CUL5: variants seen among roughly 807,000 people sequenced by gnomAD.
CUL5 encodes cullin 5.
A neutral mutation model predicts 108.8 loss-of-function variants in CUL5; 26 were observed. That is an observed-to-expected ratio of 0.24 (90% CI 0.18 to 0.33). CUL5 has a LOEUF of 0.33. CUL5 is among the 10% of genes least tolerant of loss of function. The probability of loss-of-function intolerance (pLI) is 1.00; values close to 1 mark genes in which losing one functional copy is unlikely to be tolerated. For synonymous variants in CUL5, 334 were observed against 298.0 expected (o/e 1.12, Z -1.25); for missense variants, 524 against 909.2 (o/e 0.58, Z 5.45).
chr11:108,015,917 T>G (rs1326823586), intron 1 of CUL5, among the ~76,000 whole-genome samples: 1 of 151,330 alleles, frequency 6.6e-6, no homozygotes, highest in Non-Finnish European at 1.5e-5. Flanking sequence ...AAAAGAGAGG[T>G]TTTGTTTTTG....
intron 1 of CUL5, among the ~76,000 whole-genome samples, chr11:108,024,783 A>G (rs992523691): frequency 6.6e-6 from 1 of 150,808 alleles, no homozygotes; most frequent in African/African-American, 2.4e-5. Flanking sequence ...TATTTGCAAT[A>G]AAAAAAAATA....
chr11:108,104,190 G>T lies in CUL5; in HGVS notation c.2149G>T (p.Glu717Ter). The T allele has an allele frequency of 6.5e-7, 1 of 1,530,884 alleles. No homozygotes were observed. The highest frequency in any genetic ancestry group is 8.8e-7 in the Non-Finnish European group (1 of 1,134,548). 94.8% of individuals were successfully genotyped at this position (1,530,884 alleles called of 1,614,324 possible). Residue 717 changes from glutamate to a stop codon, truncating the protein, a stop_gained and splice_region_variant, in exon 19 of 19, where the codon GAA (glutamate) becomes TAA (stop). Coordinates refer to ENST00000393094, the MANE Select transcript of CUL5 (RefSeq NM_003478.6). LOFTEE classifies it high-confidence loss of function. ...CTTTTATTTTTATTTTTTCTTTTAG[G>T]AAGCTATCATACAAATAATGAAAAT... ...IVQLRILRTQ[E>*]AIIQIMKMRK...
chr11:108,087,121 G>T (rs556175991), intron 11 of CUL5, among the ~76,000 whole-genome samples: 2 of 152,110 alleles, frequency 1.3e-5, no homozygotes, highest in Non-Finnish European at 2.9e-5. Context: ...GATATAATAA[G>T]AAAAACATAT....
At chr11:108,062,146 TCTAATGATGA>T (rs1863553455) in intron 7 of CUL5, among the ~76,000 whole-genome samples, 1 of 152,242 alleles carries the variant, frequency 6.6e-6, no homozygotes, top group South Asian at 2.1e-4. Flanking sequence ...TAACCAGTTC[TCTAATGATGA>T]CCATTTTCAT....
chr11:108,087,405 C>A (rs777697323), intron 11 of CUL5, among the ~76,000 whole-genome samples: 1 of 152,080 alleles, frequency 6.6e-6, no homozygotes, highest in Non-Finnish European at 1.5e-5. Context: ...TTTATAAGCA[C>A]AAGAAATTTC....
At chr11:108,081,548 C>A (rs990588603) in intron 11 of CUL5, among the ~76,000 whole-genome samples, 3 of 151,702 alleles carry the variant, frequency 2.0e-5, no homozygotes, top group Admixed American at 2.0e-4. Flanking sequence ...GTCAGGAGAT[C>A]GAGACCATCC....
rs757903012 is a variant in CUL5, at chr11:108,072,512, T to C, written c.1005+50T>C. 2.0e-6 allele frequency: 3 copies of C among 1,498,916 alleles called. No homozygotes were observed. The South Asian group carries it at 3.6e-5, about 18-fold the overall frequency. 92.9% of individuals were successfully genotyped at this position (1,498,916 alleles called of 1,614,324 possible). The stretch of plus-strand genomic sequence containing the variant: ...ATAGATATATATCAAGGCTATTTTT[T>C]AAATGTAGGATTATTGAAAATAGTG... On this transcript the variant is annotated intron_variant, in intron 9 of 18. Coordinates refer to ENST00000393094, the MANE Select transcript of CUL5 (RefSeq NM_003478.6).
At position 108,099,291 on chromosome 11, in the gene CUL5, T is replaced by C. The variant is rs1864583452; in HGVS notation, c.2148+762T>C. On this transcript the variant is annotated intron_variant, in intron 18 of 18. Transcript: ENST00000393094. ...AAGTGCTGGGATTACAGGTGTGAGC[T>C]ACCATGCCCAGCCCAGTGTACTTTT... 2.0e-5 allele frequency among the ~76,000 whole-genome samples: 3 copies of C among 152,200 alleles called. No individual in the cohort carries two copies. In the South Asian group the frequency reaches 6.2e-4, roughly 32 times the overall value.
intron 1 of CUL5, among the ~76,000 whole-genome samples, chr11:108,028,430 A>T (rs1351523973): frequency 1.3e-5 from 2 of 152,096 alleles, no homozygotes; most frequent in Admixed American, 6.6e-5. Flanking sequence ...CATTGCTATC[A>T]CCTCAGTCCA....
chr11:108,040,640 C>T (rs1184925810), intron 2 of CUL5, among the ~76,000 whole-genome samples: 1 of 139,500 alleles, frequency 7.2e-6, no homozygotes, highest in African/African-American at 2.6e-5. Flanking sequence ...AAAAAATTAG[C>T]CAGTCGTGGT....
chr11:108,072,792 A>ATATAT (rs1863857084), intron 9 of CUL5, among the ~76,000 whole-genome samples: 2 of 152,192 alleles, frequency 1.3e-5, no homozygotes, highest in Non-Finnish European at 2.9e-5. Flanking sequence ...ATGCATTGAA[A>ATATAT]TATAACATTG....
chr11:108,097,737 C>T lies in CUL5; in HGVS notation c.2007C>T (p.Asn669=). ...CAGAAGGTACCCTCTTCTCAGTGAA[C>T]CAGGAGTTCAGTTTAATGTAAGCTC... ...DFTEGTLFSV[N]QEFSLIKNAK... is the part of the protein sequence containing the mutation. The change falls in exon 17 of 19, where the codon AAC becomes AAT. Residue 669 remains asparagine (N), a synonymous_variant. Coordinates refer to ENST00000393094, the MANE Select transcript of CUL5 (RefSeq NM_003478.6). 1 of 1,594,504 alleles carries T rather than the reference C, an allele frequency of 6.3e-7. No homozygotes were observed. Among genetic ancestry groups the T allele is most frequent in the South Asian group, 1.1e-5 (1 of 90,510 alleles).
At chr11:108,047,514 A>T (rs1243616432) in intron 3 of CUL5, among the ~76,000 whole-genome samples, 3 of 152,224 alleles carry the variant, frequency 2.0e-5, no homozygotes, top group Non-Finnish European at 4.4e-5. Context: ...ATGACTTAAG[A>T]TATTGAAATC....
At chr11:108,077,459 GT>G (rs1863967689) in intron 10 of CUL5, among the ~76,000 whole-genome samples, 1 of 151,936 alleles carries the variant, frequency 6.6e-6, no homozygotes, top group Non-Finnish European at 1.5e-5. Context: ...ATGAAACCCT[GT>G]CTCTATTAAA....
At chr11:108,086,963 CTTTT>C in intron 11 of CUL5, among the ~76,000 whole-genome samples, 1 of 152,120 alleles carries the variant, frequency 6.6e-6, no homozygotes, top group East Asian at 1.9e-4. Flanking sequence ...TTTGTGTTCT[CTTTT>C]TATTTTATTT....
chr11:108,019,211 G>A (rs1419322402), intron 1 of CUL5, among the ~76,000 whole-genome samples: 1 of 135,774 alleles, frequency 7.4e-6, no homozygotes, highest in Non-Finnish European at 1.6e-5. Flanking sequence ...GGTGGGGGTG[G>A]GGTGGGGTGG....
At chr11:108,062,710 T>G (rs1440372031) in intron 7 of CUL5, among the ~76,000 whole-genome samples, 3 of 152,046 alleles carry the variant, frequency 2.0e-5, no homozygotes, top group Non-Finnish European at 4.4e-5. Context: ...ACCTCAGGCA[T>G]TTATCCTTTG....
chr11:108,087,974 TAAA>T (rs201514951), intron 11 of CUL5, among the ~76,000 whole-genome samples: 1 of 149,696 alleles, frequency 6.7e-6, no homozygotes, highest in African/African-American at 2.4e-5. Flanking sequence ...TCAAAAAAAC[TAAA>T]AAAAAATTTG....
chr11:108,067,022 G>A (rs955757654), intron 7 of CUL5, among the ~76,000 whole-genome samples: 2 of 152,138 alleles, frequency 1.3e-5, no homozygotes, highest in African/African-American at 4.8e-5. Flanking sequence ...TACTTCTGTA[G>A]TAAGAAAAGT....
Sources: allele counts gnomAD v4.1 joint callset (sites outside exome capture counted in the v4.1 genomes callset), GRCh38; gene constraint gnomAD v4.1.1; transcripts MANE v1.5; gene names NCBI Gene and HGNC (gene_info 2026-07-23, HGNC 2026-07-21).